RASAL2: variants seen among roughly 807,000 people sequenced by gnomAD.
RASAL2 encodes RAS protein activator like 2, also known as ras GTPase-activating protein nGAP.
A neutral mutation model predicts 128.9 loss-of-function variants in RASAL2; 58 were observed. The ratio of observed to expected loss-of-function variants is 0.45; its 90% CI spans 0.36 to 0.56. The LOEUF (loss-of-function observed/expected upper bound fraction) is 0.56, where lower values mean the gene tolerates loss of function less well. Ranked by LOEUF, RASAL2 falls within the 20% of genes least tolerant of loss-of-function variation. The pLI, the probability that RASAL2 is intolerant of heterozygous loss-of-function variation, is 0.00. For synonymous variants in RASAL2, 561 were observed against 580.8 expected, an observed-to-expected ratio of 0.97 and a Z score of 0.49; for missense variants, 1,360 against 1,601.6, an observed-to-expected ratio of 0.85 and a Z score of 2.57.
rs757831482 is a variant in RASAL2, at chr1:178,473,195, C to A, written c.3799C>A (p.Leu1267Ile). 3 of 1,614,230 alleles carry A rather than the reference C, an allele frequency of 1.9e-6. No homozygotes were observed. The highest frequency in any genetic ancestry group is 2.5e-6 in the Non-Finnish European group (3 of 1,180,054). ...NGISPTNPTK[L>I]SITENGEFKN... ...CATCTCCCCCACCAACCCCACCAAG[C>A]TTTCCATCACGGAGAATGGTGAATT... The change falls in exon 18 of 18, where the codon CTT becomes ATT. Residue 1267 changes from leucine (L) to isoleucine (I), a missense_variant. Around this residue, in one of 3 missense-constraint regions of RASAL2, gnomAD observed 741 missense variants for 868.6 expected, o/e 0.85. Transcript: ENST00000367649.
At chr1:178,425,658 T>G (rs1349549043) in intron 5 of RASAL2, among the ~76,000 whole-genome samples, 6 of 152,162 alleles carry the variant, frequency 3.9e-5, no homozygotes, top group African/African-American at 1.2e-4. Flanking sequence ...AAGAATCTCT[T>G]TATAGGCATA....
At chr1:178,418,581 A>G (rs972803276) in intron 4 of RASAL2, among the ~76,000 whole-genome samples, 2 of 152,232 alleles carry the variant, frequency 1.3e-5, no homozygotes, top group African/African-American at 2.4e-5. Flanking sequence ...ATTTTCTTTC[A>G]GTAATCTAAA....
chr1:178,267,993 A>G (rs1038916650), intron 1 of RASAL2, among the ~76,000 whole-genome samples: 2 of 150,208 alleles, frequency 1.3e-5, no homozygotes, highest in African/African-American at 4.9e-5. Flanking sequence ...TTGTTCAAGC[A>G]TATCCTCCAG....
At chr1:178,284,607 A>G (rs1221575132) in intron 2 of RASAL2, among the ~76,000 whole-genome samples, 1 of 152,206 alleles carries the variant, frequency 6.6e-6, no homozygotes, top group African/African-American at 2.4e-5. Context: ...TCAAACTGTT[A>G]CAGTTTACAA....
Position 178,443,124 on chromosome 1 carries a change from C to T in RASAL2, c.1377C>T (p.Asn459=), listed in dbSNP as rs146747765. ...YKEFAEFVTS[N]YTMLCSVLEP... is the part of the protein sequence containing the mutation. Reference sequence around the variant, plus strand: ...AATTTGCAGAATTTGTCACCAGCAACTACACCATGCTGTGTTCTGTCCTTG... The same window carrying T: ...AATTTGCAGAATTTGTCACCAGCAATTACACCATGCTGTGTTCTGTCCTTG... Residue 459 remains asparagine, a synonymous_variant, in exon 8 of 18, where the codon AAC becomes AAT. Coordinates refer to ENST00000367649, the MANE Select transcript of RASAL2 (RefSeq NM_170692.4). 161 of 1,613,872 alleles carry T rather than the reference C, an allele frequency of 1.0e-4. 1 individual carries two copies. In the African/African-American group the frequency reaches 1.6e-3, roughly 16 times the overall value.
intron 8 of RASAL2, among the ~76,000 whole-genome samples, chr1:178,443,997 A>G (rs1346917594): frequency 3.9e-5 from 6 of 152,140 alleles, no homozygotes; most frequent in Admixed American, 3.3e-4. Flanking sequence ...ATTTCTTGAT[A>G]TGTCGGAATA....
At chr1:178,336,597 A>G (rs1255810801) in intron 3 of RASAL2, among the ~76,000 whole-genome samples, 1 of 151,912 alleles carries the variant, frequency 6.6e-6, no homozygotes, top group East Asian at 1.9e-4. Context: ...GTGTGTATGT[A>G]TATGTATAAT....
At chr1:178,403,814 A>G (rs1321859204) in intron 4 of RASAL2, among the ~76,000 whole-genome samples, 1 of 152,186 alleles carries the variant, frequency 6.6e-6, no homozygotes, top group East Asian at 1.9e-4. Context: ...TTAAAAATAG[A>G]TTGATAAATT....
intron 1 of RASAL2, among the ~76,000 whole-genome samples, chr1:178,140,150 T>G (rs1212865896): frequency 6.6e-6 from 1 of 152,170 alleles, no homozygotes; most frequent in Non-Finnish European, 1.5e-5. Flanking sequence ...TTTTTTTCAT[T>G]ATTGCTCCTC....
chr1:178,270,386 G>T (rs956212208), intron 1 of RASAL2, among the ~76,000 whole-genome samples: 19 of 150,484 alleles, frequency 1.3e-4, no homozygotes, highest in African/African-American at 4.2e-4. Context: ...TTGTCTTTTT[G>T]ATCTATTTTC....
chr1:178,269,795 G>C (rs1439482216), intron 1 of RASAL2, among the ~76,000 whole-genome samples: 1 of 152,220 alleles, frequency 6.6e-6, no homozygotes, highest in Admixed American at 6.5e-5. Context: ...TGTCTATGGA[G>C]TAGCCATTCT....
chr1:178,453,658 T>C (rs1453028151), intron 11 of RASAL2, among the ~76,000 whole-genome samples: 1 of 152,128 alleles, frequency 6.6e-6, no homozygotes, highest in African/African-American at 2.4e-5. Context: ...TGTTTCAAAC[T>C]TTTTTCAGTA....
At position 178,452,515 on chromosome 1, in the gene RASAL2, A is replaced by G. The variant is rs1677450663; in HGVS notation, c.1872A>G (p.Ser624=). 3 of 1,614,032 alleles carry G rather than the reference A, an allele frequency of 1.9e-6. No homozygotes were observed. Among genetic ancestry groups the G allele is most frequent in the African/African-American group, 1.3e-5 (1 of 75,012 alleles). Residue 624 remains serine, a synonymous_variant, in exon 11 of 18, where the codon TCA becomes TCG. Transcript: ENST00000367649. ...TCAGCGAGAGGCTCATCAGTGCCTC[A>G]TTATTTCTCCGTTTTCTGTGTCCAG... The part of the protein sequence containing the change: ...QDISERLISA[S]LFLRFLCPAI...
At chr1:178,236,542 A>G (rs1664249177) in intron 1 of RASAL2, among the ~76,000 whole-genome samples, 1 of 152,160 alleles carries the variant, frequency 6.6e-6, no homozygotes, top group Non-Finnish European at 1.5e-5. Context: ...TATAAAGATT[A>G]GTAATTCCTT....
intron 1 of RASAL2, among the ~76,000 whole-genome samples, chr1:178,211,442 TC>T: frequency 6.6e-6 from 1 of 152,156 alleles, no homozygotes. Flanking sequence ...TTTCAGTAGC[TC>T]CTCATTATTT....
chr1:178,445,522 T>C lies in RASAL2; in HGVS notation c.1487T>C (p.Phe496Ser), dbSNP rs181243260. Residue 496 changes from phenylalanine to serine, a missense_variant, in exon 9 of 18, where the codon TTT (phenylalanine) becomes TCT (serine). Physicochemically the swap from Phe to Ser is radical, Grantham distance 155. Transcript: ENST00000367649. Reference protein sequence around the residue: ...ILQSTGRAKDFLTDLVMSEVD... With the variant: ...ILQSTGRAKDSLTDLVMSEVD... ...GATTGAACATTATTCTACCAGGATT[T>C]TCTGACTGACTTGGTGATGTCTGAG... is the stretch of plus-strand genomic sequence containing the variant. The C allele has an allele frequency of 6.2e-7, 1 of 1,613,194 alleles. No homozygotes were observed. The highest frequency in any genetic ancestry group is 2.2e-5 in the East Asian group (1 of 44,848).
chr1:178,185,508 T>A (rs932346788), intron 1 of RASAL2, among the ~76,000 whole-genome samples: 33 of 137,566 alleles, frequency 2.4e-4, no homozygotes, highest in Admixed American at 1.6e-3. Context: ...GTTTTTTAAA[T>A]TTTTTTTTTT....
chr1:178,383,533 C>T (rs959149052), intron 3 of RASAL2, among the ~76,000 whole-genome samples: 28 of 152,046 alleles, frequency 1.8e-4, no homozygotes, highest in African/African-American at 6.5e-4. Flanking sequence ...TTTTAAGTTC[C>T]TATTACCTTT....
At chr1:178,251,552 G>C (rs1180884963) in intron 1 of RASAL2, among the ~76,000 whole-genome samples, 1 of 152,102 alleles carries the variant, frequency 6.6e-6, no homozygotes, top group African/African-American at 2.4e-5. Flanking sequence ...AATGAGCTTT[G>C]GTACTTTTTA....
Sources: allele counts gnomAD v4.1 joint callset (sites outside exome capture counted in the v4.1 genomes callset), GRCh38; gene constraint gnomAD v4.1.1; regional missense constraint gnomAD v4.1.1; transcripts MANE v1.5; gene names NCBI Gene and HGNC (gene_info 2026-07-23, HGNC 2026-07-21).